Variants in DHX33 observed in about 807,000 individuals in gnomAD.
DHX33 encodes the protein ATP-dependent RNA helicase DHX33.
A neutral mutation model predicts 72.5 loss-of-function variants in DHX33; 42 were observed. The ratio of observed to expected loss-of-function variants is 0.58; its 90% CI spans 0.45 to 0.75. The LOEUF (loss-of-function observed/expected upper bound fraction) is 0.75, where lower values mean the gene tolerates loss of function less well. DHX33 is among the 30% of genes least tolerant of loss of function. The pLI is 0.00. For missense variants in DHX33, 842 were observed against 917.5 expected, an observed-to-expected ratio of 0.92 and a Z score of 1.06; for synonymous variants, 358 against 366.1, an observed-to-expected ratio of 0.98 and a Z score of 0.25.
chr17:5,455,877 TG>T, intron 5 of DHX33, 119 bp downstream of exon 5: 1 of 1,101,786 alleles, frequency 9.1e-7, no homozygotes, highest in Non-Finnish European at 1.3e-6. Flanking sequence ...TGCGCTGATC[TG>T]GCACCTGGGT....
intron 4 of DHX33, among the ~76,000 whole-genome samples, chr17:5,458,579 C>T (rs920863438): frequency 6.6e-6 from 1 of 152,022 alleles, no homozygotes; most frequent in Non-Finnish European, 1.5e-5. Context: ...AAGATCCTGC[C>T]TCAAAAACAA....
intron 1 of DHX33, among the ~76,000 whole-genome samples, chr17:5,464,343 C>T (rs989767279): frequency 6.6e-6 from 1 of 152,110 alleles, no homozygotes; most frequent in Non-Finnish European, 1.5e-5. Context: ...AAAACAACAA[C>T]AACAAAAAGC....
At chr17:5,448,613 A>C in intron 11 of DHX33, 196 bp downstream of exon 11, 1 of 344,322 alleles carries the variant, frequency 2.9e-6, no homozygotes, top group East Asian at 4.6e-5. Flanking sequence ...AAAAAAATAC[A>C]ATAAAAACTA....
chr17:5,452,305 C>T (rs1020070233), intron 8 of DHX33, among the ~76,000 whole-genome samples: 13 of 151,784 alleles, frequency 8.6e-5, no homozygotes, highest in South Asian at 4.2e-4. Flanking sequence ...TTTGGGAGAC[C>T]GAGGTGGGCG....
Position 5,460,929 on chromosome 17 carries a change from A to G in DHX33, c.849+10T>C, listed in dbSNP as rs557963026. The G allele has an allele frequency of 6.2e-7, 1 of 1,604,740 alleles. No homozygotes were observed. Among genetic ancestry groups the G allele is most frequent in the South Asian group, 1.1e-5 (1 of 90,524 alleles). On this transcript the variant is annotated intron_variant, in intron 4 of 11. Transcript: ENST00000225296. ...GAGAACTTTTCAGGAATTTGCCCCCAGCACCATACCTGGTGGATCTGGAAG... is the reference window on the plus strand; with the variant it reads ...GAGAACTTTTCAGGAATTTGCCCCCGGCACCATACCTGGTGGATCTGGAAG...
chr17:5,464,802 C>A (rs897808106), intron 1 of DHX33, among the ~76,000 whole-genome samples: 2 of 152,238 alleles, frequency 1.3e-5, no homozygotes, highest in Non-Finnish European at 2.9e-5. Context: ...CACTCCCCAG[C>A]CTGCTGCCTC....
At chr17:5,451,046 C>T (rs983987883) in intron 8 of DHX33, 112 bp from the exon 9 acceptor site, 1 of 1,248,892 alleles carries the variant, frequency 8.0e-7, no homozygotes, top group Admixed American at 2.4e-5. Context: ...CAGCAAAAAT[C>T]ATAACCGCCA....
chr17:5,444,313 G>A lies in DHX33; in HGVS notation c.2016C>T (p.Leu672=). Residue 672 remains leucine (L), a synonymous_variant, in exon 12 of 12, where the codon CTC becomes CTT. Transcript: ENST00000225296. The surrounding 1 kb of genome is among the most constrained non-coding windows in gnomAD (Gnocchi z 4.9). ...KPACVVYTEL[L]YTNKCYMRDL... ...CCCGCATGTAGCACTTGTTGGTGTA[G>A]AGCAGCTCAGTGTACACGACGCAGG... 6.2e-7 allele frequency: 1 copy of A among 1,614,150 alleles called. No individual in the cohort carries two copies. Among genetic ancestry groups the A allele is most frequent in the Non-Finnish European group, 8.5e-7 (1 of 1,180,030 alleles).
intron 1 of DHX33, among the ~76,000 whole-genome samples, chr17:5,468,195 G>A (rs1025897104): frequency 7.2e-5 from 11 of 152,118 alleles, no homozygotes; most frequent in Non-Finnish European, 1.3e-4. Context: ...ATGTGTTCAG[G>A]TTCCCATCTC....
chr17:5,460,910 T>C, intron 4 of DHX33, 29 bp downstream of exon 4: 1 of 1,590,978 alleles, frequency 6.3e-7, no homozygotes, highest in Non-Finnish European at 8.6e-7. Flanking sequence ...AAAAGAGAAC[T>C]TTTCAGGAAT....
chr17:5,468,959 T>TTTTTTAA lies in DHX33; in HGVS notation c.-101_-100insTTAAAAA. 1 of 1,044,932 alleles carries TTTTTTAA rather than the reference T, an allele frequency of 9.6e-7. No individual in the cohort carries two copies. Among genetic ancestry groups the TTTTTTAA allele is most frequent in the Non-Finnish European group, 1.4e-6 (1 of 722,912 alleles). 64.7% of individuals were successfully genotyped at this position (1,044,932 alleles called of 1,614,324 possible). ...ACACCGCCCCTTCCTCGCCGCCACG[T>TTTTTTAA]GCTGGCGGCTCCCGGCGACCACCGA... On this transcript the variant is annotated 5_prime_UTR_variant, in exon 1 of 12. Coordinates refer to ENST00000225296, the MANE Select transcript of DHX33 (RefSeq NM_020162.4).
chr17:5,448,782 C>T, intron 11 of DHX33, 27 bp downstream of exon 11: 1 of 1,549,032 alleles, frequency 6.5e-7, no homozygotes, highest in Non-Finnish European at 8.8e-7. Flanking sequence ...GCTTTGTCAC[C>T]CACAGAACAC....
intron 8 of DHX33, among the ~76,000 whole-genome samples, chr17:5,451,650 T>G (rs1198388302): frequency 5.9e-5 from 9 of 152,166 alleles, no homozygotes; most frequent in Non-Finnish European, 1.3e-4. Flanking sequence ...ATTTACTATT[T>G]TATATATTTT....
intron 4 of DHX33, 63 bp downstream of exon 4, chr17:5,460,875 AT>A: frequency 6.5e-7 from 1 of 1,534,392 alleles, no homozygotes; most frequent in South Asian, 1.2e-5. Flanking sequence ...TCAAGGCTCA[AT>A]GTTCTCACTA....
At chr17:5,451,193 C>T (rs1437448251) in intron 8 of DHX33, among the ~76,000 whole-genome samples, 1 of 152,178 alleles carries the variant, frequency 6.6e-6, no homozygotes, top group Non-Finnish European at 1.5e-5. Flanking sequence ...GCAGCCTCTG[C>T]CTCCTGGGTT....
chr17:5,468,744 C>A lies in DHX33; in HGVS notation c.116G>T (p.Gly39Val), dbSNP rs776166919. The change falls in exon 1 of 12, where the codon GGC becomes GTC. Residue 39 changes from glycine (G) to valine (V), a missense_variant. Coordinates refer to ENST00000225296, the MANE Select transcript of DHX33 (RefSeq NM_020162.4). ...TCCTCCTCCTCCTCTGCCGCCGCTG[C>A]CCGCAGTCAGCAGCATCACCACTTG... is the stretch of plus-strand genomic sequence containing the variant. Reference protein sequence around the residue: ...GRQVVMLLTAGSGGRGGGGGR... With the variant: ...GRQVVMLLTAVSGGRGGGGGR... 6.2e-7 allele frequency: 1 copy of A among 1,611,074 alleles called. No homozygotes were observed. Among genetic ancestry groups the A allele is most frequent in the African/African-American group, 1.3e-5 (1 of 74,892 alleles).
At chr17:5,445,613 C>T (rs1342795424) in intron 11 of DHX33, among the ~76,000 whole-genome samples, 1 of 152,244 alleles carries the variant, frequency 6.6e-6, no homozygotes. Context: ...GTGGTACACA[C>T]ACGCTGGACC....
At chr17:5,458,652 G>T (rs1050614737) in intron 4 of DHX33, among the ~76,000 whole-genome samples, 1 of 152,066 alleles carries the variant, frequency 6.6e-6, no homozygotes, top group African/African-American at 2.4e-5. Flanking sequence ...TTGGGGAGGG[G>T]CATTCTAAAC....
rs931569448 is a variant in DHX33, at chr17:5,441,523, T to C, written c.*2682A>G. 1 of 152,188 alleles carries C rather than the reference T, an allele frequency of 6.6e-6. No homozygotes were observed. The highest frequency in any genetic ancestry group is 2.4e-5 in the African/African-American group (1 of 41,432). 9.4% of individuals were successfully genotyped at this position (152,188 alleles called of 1,614,324 possible). The stretch of plus-strand genomic sequence containing the variant: ...CCAATGGAAAGAGAGTAGCTGAAGA[T>C]TATATTGCAATGTTATTGTGAAACA... On this transcript the variant is annotated 3_prime_UTR_variant, in exon 12 of 12. Transcript: ENST00000225296.
Sources: allele counts gnomAD v4.1 joint callset (sites outside exome capture counted in the v4.1 genomes callset), GRCh38; gene constraint gnomAD v4.1.1; non-coding constraint Gnocchi (gnomAD v3.1); transcripts MANE v1.5; gene names NCBI Gene and HGNC (gene_info 2026-07-23, HGNC 2026-07-21).